Variants in GABRA3 observed in about 807,000 individuals in gnomAD.
The protein encoded by GABRA3 is gamma-aminobutyric acid receptor subunit alpha-3.
GABRA3 carries 10 observed loss-of-function variants against 30.1 expected under a neutral mutation model. That is an observed-to-expected ratio of 0.33 (90% CI 0.20 to 0.56). The LOEUF (loss-of-function observed/expected upper bound fraction) is 0.56, where lower values mean the gene tolerates loss of function less well. Among genes scored for constraint, GABRA3 ranks in the 20% least tolerant of loss-of-function variants. The pLI, the probability that GABRA3 is intolerant of heterozygous loss-of-function variation, is 0.89. For missense variants in GABRA3, 233 were observed against 392.0 expected, an observed-to-expected ratio of 0.59 and a Z score of 3.42; for synonymous variants, 151 against 146.8, an observed-to-expected ratio of 1.03 and a Z score of -0.21.
intron 2 of GABRA3, among the ~76,000 whole-genome samples, chrX:152,349,648 T>C (rs1180186436): frequency 2.0e-5 from 2 of 101,156 alleles, no homozygotes; most frequent in African/African-American, 3.7e-5. Context: ...AAGGCAGGGG[T>C]TGCAATCCTA....
At chrX:152,309,877 T>C (rs1939774551) in intron 3 of GABRA3, among the ~76,000 whole-genome samples, 1 of 112,048 alleles carries the variant, frequency 8.9e-6, no homozygotes. Context: ...TAATGCTGTC[T>C]TCAAGAGACC....
chrX:152,229,394 C>G (rs942795772), intron 5 of GABRA3, among the ~76,000 whole-genome samples: 1 of 110,996 alleles, frequency 9.0e-6, no homozygotes, highest in Non-Finnish European at 1.9e-5. Context: ...GCACCCTTCT[C>G]CCCCACATAC....
intron 1 of GABRA3, among the ~76,000 whole-genome samples, chrX:152,432,030 T>C (rs1366492983): frequency 8.9e-6 from 1 of 111,892 alleles, no homozygotes; most frequent in African/African-American, 3.3e-5. Context: ...ATACAACATG[T>C]TATCTGGCTC....
At chrX:152,408,845 T>C (rs962053312) in intron 1 of GABRA3, among the ~76,000 whole-genome samples, 1 of 109,613 alleles carries the variant, frequency 9.1e-6, no homozygotes, top group Non-Finnish European at 1.9e-5. Flanking sequence ...GTAACTAAAG[T>C]AGCATGGCCC....
At chrX:152,395,463 GT>G (rs1213922154) in intron 1 of GABRA3, among the ~76,000 whole-genome samples, 1 of 111,372 alleles carries the variant, frequency 9.0e-6, no homozygotes, top group African/African-American at 3.3e-5. Context: ...TACACAAGCA[GT>G]TGGCTATCCT....
At chrX:152,294,806 G>A (rs1223952789) in intron 3 of GABRA3, among the ~76,000 whole-genome samples, 4 of 111,442 alleles carry the variant, frequency 3.6e-5, no homozygotes, top group Non-Finnish European at 7.5e-5. Context: ...CATACAGATG[G>A]GGTTTTGGTG....
intron 7 of GABRA3, among the ~76,000 whole-genome samples, chrX:152,199,276 G>A (rs1398514903): frequency 1.9e-5 from 2 of 105,290 alleles, no homozygotes; most frequent in African/African-American, 3.3e-5. Context: ...TGAGGCAGGA[G>A]AATGGCGTGA....
chrX:152,330,419 A>G (rs768232651), intron 3 of GABRA3, among the ~76,000 whole-genome samples: 1 of 112,251 alleles, frequency 8.9e-6, no homozygotes, highest in East Asian at 2.8e-4. Context: ...TTGTGGCACT[A>G]TTCACAATAG....
At chrX:152,442,576 A>T (rs1930961514) in intron 1 of GABRA3, among the ~76,000 whole-genome samples, 1 of 111,338 alleles carries the variant, frequency 9.0e-6, no homozygotes, top group African/African-American at 3.3e-5. Flanking sequence ...TACCCATTCT[A>T]TACAGATAAA....
In GABRA3 at chrX:152,312,821, G is replaced by A. The variant is rs1939818455; in HGVS notation, c.263-28086C>T. Among the ~76,000 whole-genome samples the A allele has an allele frequency of 5.4e-5, 6 of 111,616 alleles. 1 individual carries two copies. In the South Asian group the frequency reaches 2.3e-3, roughly 42 times the overall value. ...CAACTCCATTAAAAAATGGGAAAAG[G>A]ACATGAACAGACACTTCTTCAAAGA... On this transcript the variant is annotated intron_variant, in intron 3 of 9. Coordinates refer to ENST00000370314, the MANE Select transcript of GABRA3 (RefSeq NM_000808.4).
intron 1 of GABRA3, among the ~76,000 whole-genome samples, chrX:152,369,661 T>A (rs1193102000): frequency 2.7e-5 from 3 of 111,462 alleles, no homozygotes; most frequent in Non-Finnish European, 3.8e-5. Flanking sequence ...CCACCCTATC[T>A]AAAATTTCAA....
chrX:152,386,316 G>T (rs1420083318), intron 1 of GABRA3, among the ~76,000 whole-genome samples: 1 of 110,392 alleles, frequency 9.1e-6, no homozygotes, highest in Non-Finnish European at 1.9e-5. Context: ...CACGTCCCTT[G>T]TAAGTTGGAT....
intron 6 of GABRA3, among the ~76,000 whole-genome samples, chrX:152,218,041 A>T (rs1433383072): frequency 9.3e-6 from 1 of 107,193 alleles, no homozygotes; most frequent in African/African-American, 3.4e-5. Context: ...CTAGTCTCTT[A>T]AGGTGGAAAT....
chrX:152,435,062 A>G (rs1193558948), intron 1 of GABRA3, among the ~76,000 whole-genome samples: 1 of 111,884 alleles, frequency 8.9e-6, no homozygotes, highest in East Asian at 2.8e-4. Context: ...AATAAAATAA[A>G]ATAATATAAA....
intron 6 of GABRA3, among the ~76,000 whole-genome samples, chrX:152,212,081 G>A (rs1937634135): frequency 9.4e-6 from 1 of 106,829 alleles, no homozygotes; most frequent in South Asian, 4.2e-4. Context: ...CCAAGAGTTT[G>A]AGAACAACCT....
At chrX:152,300,366 C>A (rs767906466) in intron 3 of GABRA3, among the ~76,000 whole-genome samples, 3 of 111,345 alleles carry the variant, frequency 2.7e-5, no homozygotes, top group African/African-American at 9.8e-5. Context: ...CAAGGCAGAA[C>A]TCACAAACTA....
chrX:152,227,851 T>C (rs959903880), intron 5 of GABRA3, among the ~76,000 whole-genome samples: 3 of 111,383 alleles, frequency 2.7e-5, no homozygotes, highest in African/African-American at 9.8e-5. Flanking sequence ...AATCTGGTGT[T>C]CTTTCTACAC....
At chrX:152,372,012 C>T (rs775632803) in intron 1 of GABRA3, among the ~76,000 whole-genome samples, 2 of 111,017 alleles carry the variant, frequency 1.8e-5, no homozygotes, top group African/African-American at 3.3e-5. Flanking sequence ...TTGGAACAGA[C>T]CCAGACTCTG....
intron 4 of GABRA3, among the ~76,000 whole-genome samples, chrX:152,271,741 T>A (rs780487743): frequency 1.8e-5 from 2 of 111,818 alleles, no homozygotes; most frequent in African/African-American, 6.5e-5. Context: ...GGAAAAATGG[T>A]TTCCTGGACC....
Sources: gnomAD v4.1 joint callset for allele counts (sites outside exome capture counted in the v4.1 genomes callset) on GRCh38, gnomAD v4.1.1 for gene constraint, MANE v1.5 for transcripts, NCBI Gene and HGNC (gene_info 2026-07-23, HGNC 2026-07-21) for gene names.